The following PRKACB variants were observed in gnomAD, a reference collection of about 807,000 sequenced individuals.
PRKACB encodes the protein cAMP-dependent protein kinase catalytic subunit beta.
PRKACB carries 16 observed loss-of-function variants against 51.4 expected under a neutral mutation model. That is an observed-to-expected ratio of 0.31 (90% CI 0.21 to 0.47). The LOEUF (loss-of-function observed/expected upper bound fraction) is 0.47. Among genes scored for constraint, PRKACB ranks in the 20% least tolerant of loss-of-function variants. PRKACB has a pLI of 1.00. For synonymous variants in PRKACB, 147 were observed against 154.4 expected, an observed-to-expected ratio of 0.95 and a Z score of 0.35; for missense variants, 309 against 464.5, an observed-to-expected ratio of 0.67 and a Z score of 3.08.
At position 84,177,597 on chromosome 1, in the gene PRKACB, C is replaced by G. The variant is rs115812915; in HGVS notation, c.188-1580C>G. On this transcript the variant is annotated intron_variant, in intron 1 of 9. Coordinates refer to ENST00000370685, the MANE Select transcript of PRKACB (RefSeq NM_182948.4). The stretch of plus-strand genomic sequence containing the variant: ...TCTCTACAAAAAGTAAGAAAATTAG[C>G]CAGACTTGGTGGTGCACATCTGTAG... 1.5e-3 allele frequency among the ~76,000 whole-genome samples: 223 copies of G among 152,038 alleles called. 1 individual carries two copies. The highest frequency in any genetic ancestry group is 5.0e-3 in the African/African-American group (207 of 41,518).
At chr1:84,104,186 C>T (rs1649557868) in intron 1 of PRKACB, among the ~76,000 whole-genome samples, 1 of 152,102 alleles carries the variant, frequency 6.6e-6, no homozygotes, top group Non-Finnish European at 1.5e-5. Context: ...CTTGTATGAG[C>T]TCCACTTTTA....
chr1:84,178,906 A>G (rs12082320), intron 1 of PRKACB: 4,531 of 216,228 alleles, frequency 0.021, 221 homozygotes, highest in African/African-American at 0.094. Flanking sequence ...ATTACTTTCT[A>G]GTATGTTTTC....
At chr1:84,227,069 T>C (rs1273743509) in intron 9 of PRKACB, among the ~76,000 whole-genome samples, 2 of 152,160 alleles carry the variant, frequency 1.3e-5, no homozygotes, top group Non-Finnish European at 2.9e-5. Context: ...TTTGCCAAAA[T>C]TTTATTTAGG....
In PRKACB at chr1:84,115,064, G is replaced by C. The variant is rs1170094978; in HGVS notation, c.46+36693G>C. ...TGGGTAGATACTCAGTAGTGGGATT[G>C]CTGGATCATATGATAGTTCTGATTT... On this transcript the variant is annotated intron_variant, in intron 1 of 8. Transcript: ENST00000370688. Among the ~76,000 whole-genome samples the C allele has an allele frequency of 2.6e-5, 4 of 152,250 alleles. No homozygotes were observed. The East Asian group carries it at 7.7e-4, about 29-fold the overall frequency.
chr1:84,234,920 C>G (rs193287539), intron 9 of PRKACB, among the ~76,000 whole-genome samples: 1 of 152,160 alleles, frequency 6.6e-6, no homozygotes, highest in Non-Finnish European at 1.5e-5. Context: ...TGTTCCTATT[C>G]GGCCATCTTG....
intron 5 of PRKACB, among the ~76,000 whole-genome samples, chr1:84,188,254 T>C (rs1665758316): frequency 6.6e-6 from 1 of 152,028 alleles, no homozygotes; most frequent in Non-Finnish European, 1.5e-5. Context: ...AAACATTATT[T>C]TTATCAATTA....
chr1:84,101,461 AT>A (rs1007527670), intron 1 of PRKACB, among the ~76,000 whole-genome samples: 8 of 152,082 alleles, frequency 5.3e-5, no homozygotes, highest in Non-Finnish European at 8.8e-5. Context: ...CTGTAGGCAT[AT>A]TTTTTCCTTA....
intron 1 of PRKACB, among the ~76,000 whole-genome samples, chr1:84,116,951 G>A (rs1650684815): frequency 6.6e-6 from 1 of 151,900 alleles, no homozygotes; most frequent in South Asian, 2.1e-4. Context: ...TTAGCTGTGG[G>A]TTTGGCATGT....
rs750679516 is a variant in PRKACB at position 84,182,188 on chromosome 1, A to G, written c.250-12A>G. 7.3e-6 allele frequency: 11 copies of G among 1,507,184 alleles called. No individual in the cohort carries two copies. In the East Asian group the frequency reaches 2.6e-4, roughly 35 times the overall value. 93.4% of individuals were successfully genotyped at this position (1,507,184 alleles called of 1,614,324 possible). ...CGAGAATTTTAAATTTTATTTATGTATTTACATATAGAATAATGCCGGACT... is the reference window on the plus strand; with the variant it reads ...CGAGAATTTTAAATTTTATTTATGTGTTTACATATAGAATAATGCCGGACT... On this transcript the variant is annotated splice_polypyrimidine_tract_variant and intron_variant, in intron 2 of 9. Coordinates refer to ENST00000370685, the MANE Select transcript of PRKACB (RefSeq NM_182948.4).
intron 9 of PRKACB, among the ~76,000 whole-genome samples, chr1:84,215,578 A>G (rs533005122): frequency 1.3e-5 from 2 of 152,326 alleles, no homozygotes; most frequent in South Asian, 2.1e-4. Flanking sequence ...AATCGCTGGC[A>G]TTATTATACC....
At chr1:84,235,061 TA>T in intron 9 of PRKACB, 118 bp from the exon 10 acceptor site, 1 of 1,069,058 alleles carries the variant, frequency 9.4e-7, no homozygotes, top group Non-Finnish European at 1.3e-6. Flanking sequence ...TTTAGGAACC[TA>T]ATGGCATCTA....
At chr1:84,091,506 T>C (rs2100773209) in intron 1 of PRKACB, among the ~76,000 whole-genome samples, 2 of 152,150 alleles carry the variant, frequency 1.3e-5, no homozygotes, top group South Asian at 4.1e-4. Flanking sequence ...TTGGTTTTTG[T>C]TGTTGTTGTT....
intron 1 of PRKACB, among the ~76,000 whole-genome samples, chr1:84,091,011 A>C (rs1162914977): frequency 6.6e-6 from 1 of 152,088 alleles, no homozygotes; most frequent in Non-Finnish European, 1.5e-5. Flanking sequence ...TTATTTAAAA[A>C]ACGTGTACCC....
At position 84,096,594 on chromosome 1, in the gene PRKACB, C is replaced by A. The variant is rs549469035; in HGVS notation, c.46+18223C>A. ...CTAATCATTTCCCATCTTTTCAGGA[C>A]CTTGGTGTTCCTCAAAACCTGCTGA... On this transcript the variant is annotated intron_variant, in intron 1 of 8. Transcript: ENST00000370688. 2.6e-5 allele frequency among the ~76,000 whole-genome samples: 4 copies of A among 152,242 alleles called. No individual in the cohort carries two copies. The East Asian group carries it at 7.7e-4, about 29-fold the overall frequency.
intron 1 of PRKACB, among the ~76,000 whole-genome samples, chr1:84,132,744 T>C (rs530153073): frequency 6.6e-6 from 1 of 152,218 alleles, no homozygotes; most frequent in South Asian, 2.1e-4. Flanking sequence ...AAGAATGCCA[T>C]TGATAGGCTT....
At chr1:84,127,550 CAATT>C (rs1455154946) in intron 1 of PRKACB, among the ~76,000 whole-genome samples, 17 of 152,138 alleles carry the variant, frequency 1.1e-4, no homozygotes, top group Non-Finnish European at 2.2e-4. Flanking sequence ...GAGTTCAAAA[CAATT>C]AATCATCTGC....
intron 8 of PRKACB, among the ~76,000 whole-genome samples, chr1:84,212,488 A>G (rs17131229): frequency 0.015 from 2,258 of 148,156 alleles, 59 homozygotes; most frequent in African/African-American, 0.055. Context: ...GAGCTTTTAG[A>G]AAGTCAGAAT....
chr1:84,172,468 A>G (rs572984586), intron 1 of PRKACB, among the ~76,000 whole-genome samples: 2 of 151,816 alleles, frequency 1.3e-5, no homozygotes, highest in African/African-American at 4.8e-5. Flanking sequence ...CATGGCATGG[A>G]TGGCCTACAA....
At chr1:84,081,829 G>C (rs1036905836) in intron 1 of PRKACB, among the ~76,000 whole-genome samples, 6 of 152,162 alleles carry the variant, frequency 3.9e-5, no homozygotes, top group Admixed American at 1.3e-4. Context: ...GTAGAGGTTT[G>C]AATGTAGATT....
Sources: allele counts gnomAD v4.1 joint callset (sites outside exome capture counted in the v4.1 genomes callset), GRCh38; gene constraint gnomAD v4.1.1; transcripts MANE v1.5; gene names NCBI Gene and HGNC (gene_info 2026-07-23, HGNC 2026-07-21).